CAST: variants seen among roughly 807,000 people sequenced by gnomAD.
The protein encoded by CAST is calpastatin.
In CAST, 76 loss-of-function variants were observed where a neutral mutation model predicts 119.6. The ratio of observed to expected loss-of-function variants is 0.64; its 90% CI spans 0.53 to 0.77. CAST has a LOEUF of 0.77. Ranked by LOEUF, CAST falls within the 30% of genes least tolerant of loss-of-function variation. The pLI, the probability that CAST is intolerant of heterozygous loss-of-function variation, is 0.00. For synonymous variants in CAST, 319 were observed against 331.6 expected (o/e 0.96, Z 0.41); for missense variants, 953 against 946.5 (o/e 1.01, Z -0.09).
the CAST span, among the ~76,000 whole-genome samples, chr5:96,091,028 T>TG: frequency 6.6e-6 from 1 of 151,912 alleles, no homozygotes; most frequent in Non-Finnish European, 1.5e-5. Flanking sequence ...GAGAGATGCC[T>TG]GGGGGGAAGG....
the CAST span, among the ~76,000 whole-genome samples, chr5:96,493,628 G>A: frequency 1.3e-5 from 2 of 152,170 alleles, no homozygotes; most frequent in Non-Finnish European, 2.9e-5. Flanking sequence ...GTTTAATGGT[G>A]TTACACAGGA....
the CAST span, among the ~76,000 whole-genome samples, chr5:96,388,472 C>G: frequency 6.6e-6 from 1 of 152,176 alleles, no homozygotes; most frequent in African/African-American, 2.4e-5. Context: ...AAGCAAGGGC[C>G]AAGCCAAACT....
chr5:96,428,199 C>T, the CAST span, among the ~76,000 whole-genome samples: 3 of 152,148 alleles, frequency 2.0e-5, no homozygotes, highest in African/African-American at 7.2e-5. Context: ...ATCTTACAGT[C>T]CTCATGAATT....
chr5:96,166,802 A>C, the CAST span, among the ~76,000 whole-genome samples: 43 of 152,182 alleles, frequency 2.8e-4, no homozygotes, highest in African/African-American at 9.2e-4. Flanking sequence ...TAATAGACAT[A>C]ATTTTGGGTG....
rs574339805 is a variant in CAST, at chr5:96,570,399, A to T, written c.60+40519A>T. Among the ~76,000 whole-genome samples the T allele has an allele frequency of 4.6e-5, 7 of 152,326 alleles. No individual in the cohort carries two copies. In the East Asian group the frequency reaches 1.3e-3, roughly 29 times the overall value. On this transcript the variant is annotated intron_variant, in intron 1 of 11. Coordinates refer to the CAST transcript ENST00000505143. ...TTGTAGATATCAAGGTAATGGAAAG[A>T]GTGGCTGAAATGAAAGGATTAGGGA...
chr5:96,175,421 T>C, the CAST span, among the ~76,000 whole-genome samples: 1 of 152,186 alleles, frequency 6.6e-6, no homozygotes, highest in Non-Finnish European at 1.5e-5. Context: ...ATTTAGGCTC[T>C]GGAGGTATAA....
chr5:96,652,867 C>T (rs896838783), intron 1 of CAST, among the ~76,000 whole-genome samples: 6 of 152,170 alleles, frequency 3.9e-5, no homozygotes, highest in Non-Finnish European at 7.4e-5. Flanking sequence ...ACAGACTGCA[C>T]GGGAACCATA....
the CAST span, among the ~76,000 whole-genome samples, chr5:95,971,262 A>C: frequency 8.5e-4 from 130 of 152,266 alleles, no homozygotes; most frequent in African/African-American, 2.9e-3. Flanking sequence ...TTTTAAAATT[A>C]CCCTATATTT....
the CAST span, among the ~76,000 whole-genome samples, chr5:96,090,640 T>C: frequency 2.0e-5 from 3 of 152,088 alleles, no homozygotes; most frequent in Admixed American, 2.0e-4. Flanking sequence ...TTTTATGTTT[T>C]GTTTTTAAAA....
the CAST span, among the ~76,000 whole-genome samples, chr5:96,410,008 C>T: frequency 3.9e-5 from 6 of 152,202 alleles, no homozygotes; most frequent in African/African-American, 1.4e-4. Flanking sequence ...CCTGCTATTT[C>T]ACTGAGATAG....
chr5:96,389,208 G>T, the CAST span, among the ~76,000 whole-genome samples: 1 of 152,058 alleles, frequency 6.6e-6, no homozygotes, highest in Non-Finnish European at 1.5e-5. Context: ...TAATAAAAAT[G>T]TATTACATAC....
intron 1 of CAST, among the ~76,000 whole-genome samples, chr5:96,607,988 A>G (rs1049919185): frequency 2.6e-5 from 4 of 152,134 alleles, no homozygotes; most frequent in Non-Finnish European, 4.4e-5. Flanking sequence ...TCTTCCAGCT[A>G]TTTTGAAATA....
chr5:96,195,209 C>T, the CAST span, among the ~76,000 whole-genome samples: 12 of 152,200 alleles, frequency 7.9e-5, no homozygotes, highest in Non-Finnish European at 1.8e-4. Flanking sequence ...TGATTACCCT[C>T]CTCCAGAAGA....
intron 1 of CAST, among the ~76,000 whole-genome samples, chr5:96,593,875 G>C (rs759054548): frequency 1.8e-4 from 27 of 152,340 alleles, no homozygotes; most frequent in Non-Finnish European, 3.7e-4. Flanking sequence ...AGAAGTGTGA[G>C]AAATAGATTT....
At chr5:96,047,720 G>A in the CAST span, among the ~76,000 whole-genome samples, 1 of 152,204 alleles carries the variant, frequency 6.6e-6, no homozygotes, top group Non-Finnish European at 1.5e-5. Flanking sequence ...AACAGACACA[G>A]TCTCTGTCTT....
At chr5:96,679,622 G>A (rs922088052) in intron 2 of CAST, 2 of 152,126 alleles carry the variant, frequency 1.3e-5, no homozygotes, top group Non-Finnish European at 2.9e-5. Flanking sequence ...TTTAACAATG[G>A]ATTTATTTTT....
chr5:96,244,957 T>C, the CAST span, among the ~76,000 whole-genome samples: 1 of 152,212 alleles, frequency 6.6e-6, no homozygotes, highest in African/African-American at 2.4e-5. Context: ...CTTTTGTAGA[T>C]TATTTAGATT....
At chr5:96,463,648 G>T in the CAST span, among the ~76,000 whole-genome samples, 1 of 152,060 alleles carries the variant, frequency 6.6e-6, no homozygotes, top group African/African-American at 2.4e-5. Context: ...ATAAATTTGT[G>T]TTAAAGGACT....
the CAST span, among the ~76,000 whole-genome samples, chr5:96,147,314 A>G: frequency 3.3e-5 from 5 of 152,210 alleles, no homozygotes; most frequent in African/African-American, 1.2e-4. Flanking sequence ...CTTGTTACAA[A>G]TAATTTGGGG....
Sources: allele counts gnomAD v4.1 joint callset (sites outside exome capture counted in the v4.1 genomes callset), GRCh38; gene constraint gnomAD v4.1.1; transcripts MANE v1.5; gene names NCBI Gene and HGNC (gene_info 2026-07-23, HGNC 2026-07-21).